Variants in SCGB2B2 observed in about 807,000 individuals in gnomAD.
SCGB2B2 encodes secretoglobin-like protein.
In SCGB2B2, 11 loss-of-function variants were observed where a neutral mutation model predicts 7.6. The observed-to-expected ratio is 1.45, with a 90% CI of 0.91 to 2.40. SCGB2B2 has a LOEUF of 2.40. Ranked by LOEUF, SCGB2B2 falls within the 30% of genes most tolerant of loss-of-function variation. The pLI, the probability that SCGB2B2 is intolerant of heterozygous loss-of-function variation, is 0.00. For missense variants in SCGB2B2, 104 were observed against 115.4 expected, an observed-to-expected ratio of 0.90 and a Z score of 0.45; for synonymous variants, 50 against 48.6, an observed-to-expected ratio of 1.03 and a Z score of -0.12.
At chr19:34,616,004 T>C (rs377029278) in intron 1 of SCGB2B2, among the ~76,000 whole-genome samples, 6 of 151,722 alleles carry the variant, frequency 4.0e-5, no homozygotes, top group Admixed American at 3.9e-4. Context: ...CATGTCCCTA[T>C]AAAGGACATG....
chr19:34,654,964 A>C (rs2067245307), intron 1 of SCGB2B2, among the ~76,000 whole-genome samples: 1 of 151,046 alleles, frequency 6.6e-6, no homozygotes, highest in Non-Finnish European at 1.5e-5. Context: ...CACTTACACC[A>C]CTCCAATCTT....
rs534453083 is a variant in SCGB2B2 at position 34,595,724 on chromosome 19, A to G, written c.-1161T>C. ...CACAAGCCCTTTTCCCAGCACCTAC[A>G]TATGAGGGAGCTGATGTCACTCACG... is the stretch of plus-strand genomic sequence containing the variant. On this transcript the variant is annotated 5_prime_UTR_variant, in exon 2 of 4. The change abolishes an upstream ATG in the 5' untranslated region. Transcript: ENST00000601241. The G allele has an allele frequency of 3.3e-5, 5 of 152,338 alleles. No homozygotes were observed. Among genetic ancestry groups the G allele is most frequent in the Non-Finnish European group, 5.9e-5 (4 of 68,052 alleles). 9.4% of individuals were successfully genotyped at this position (152,338 alleles called of 1,614,324 possible). A position where few individuals can be genotyped will look rare whatever the true frequency, so the allele number is the denominator to read the frequency against.
chr19:34,594,893 G>A lies in SCGB2B2; in HGVS notation c.-330C>T, dbSNP rs1363911520. On this transcript the variant is annotated 5_prime_UTR_variant, in exon 2 of 4. Coordinates refer to ENST00000601241, the MANE Select transcript of SCGB2B2 (RefSeq NM_001025591.4). The stretch of plus-strand genomic sequence containing the variant: ...CTGGTGTAAGCCTGCAAGTCTGAGT[G>A]TGCATGCACATGTGACCCTGTGTCT... The A allele has an allele frequency of 2.6e-6, 1 of 384,632 alleles. No homozygotes were observed. The highest frequency in any genetic ancestry group is 5.1e-5 in the East Asian group (1 of 19,642). 23.8% of individuals were successfully genotyped at this position (384,632 alleles called of 1,614,324 possible).
At chr19:34,612,455 T>C (rs2065959487) in intron 1 of SCGB2B2, among the ~76,000 whole-genome samples, 1 of 152,224 alleles carries the variant, frequency 6.6e-6, no homozygotes, top group South Asian at 2.1e-4. Flanking sequence ...AAATGGAATA[T>C]CTATCACCTG....
intron 1 of SCGB2B2, chr19:34,635,382 C>T: frequency 3.4e-6 from 1 of 292,914 alleles, no homozygotes; most frequent in Non-Finnish European, 7.1e-6. Flanking sequence ...GTTTTTATGC[C>T]TAACAAGGTG....
chr19:34,665,167 G>T (rs113270558), intron 1 of SCGB2B2, among the ~76,000 whole-genome samples: 39 of 152,248 alleles, frequency 2.6e-4, no homozygotes, highest in Middle Eastern at 3.4e-3. Flanking sequence ...CAGGCCTTGC[G>T]TCCCTCCTGT....
intron 1 of SCGB2B2, among the ~76,000 whole-genome samples, chr19:34,618,744 A>G (rs1269336164): frequency 6.6e-6 from 1 of 152,226 alleles, no homozygotes; most frequent in Non-Finnish European, 1.5e-5. Flanking sequence ...AGCACATGTT[A>G]TAATATTAAC....
chr19:34,614,877 A>ATGT (rs1172553310), intron 1 of SCGB2B2, among the ~76,000 whole-genome samples: 1 of 152,196 alleles, frequency 6.6e-6, no homozygotes, highest in African/African-American at 2.4e-5. Context: ...TCTGTGTTGA[A>ATGT]TGTTATCAAT....
At chr19:34,640,378 T>TGGGATTACA in intron 1 of SCGB2B2, 1 of 152,420 alleles carries the variant, frequency 6.6e-6, no homozygotes, top group African/African-American at 2.4e-5. Context: ...CCCAAAGTAC[T>TGGGATTACA]GGGATTACAG....
intron 1 of SCGB2B2, among the ~76,000 whole-genome samples, chr19:34,623,341 G>A (rs1356897681): frequency 2.6e-5 from 4 of 152,334 alleles, no homozygotes; most frequent in African/African-American, 9.6e-5. Context: ...CAGGCTTGAA[G>A]ATGGGTTGTT....
At chr19:34,619,207 A>G (rs111704274) in intron 1 of SCGB2B2, among the ~76,000 whole-genome samples, 1 of 152,180 alleles carries the variant, frequency 6.6e-6, no homozygotes, top group African/African-American at 2.4e-5. Context: ...CATAATACAC[A>G]GACAAAAACG....
At chr19:34,602,522 T>C (rs2065655449) in intron 1 of SCGB2B2, among the ~76,000 whole-genome samples, 9 of 152,156 alleles carry the variant, frequency 5.9e-5, no homozygotes, top group Admixed American at 5.2e-4. Flanking sequence ...CTTTTCTGGA[T>C]TGCATCATTC....
rs568048069 is a variant in SCGB2B2, at chr19:34,605,393, G to A, written c.-2031-8799C>T. 2.8e-4 allele frequency among the ~76,000 whole-genome samples: 42 copies of A among 152,240 alleles called. 1 individual carries two copies. Among genetic ancestry groups the A allele is most frequent in the Admixed American group, 2.0e-3 (31 of 15,288 alleles). On this transcript the variant is annotated intron_variant, in intron 1 of 3. Coordinates refer to ENST00000601241, the MANE Select transcript of SCGB2B2 (RefSeq NM_001025591.4). ...TAACTTCAGATACTCCTTGTGCTGTGCTTTTGTAGTCAGATGGTCTCCTTG... is the reference window on the plus strand; with the variant it reads ...TAACTTCAGATACTCCTTGTGCTGTACTTTTGTAGTCAGATGGTCTCCTTG...
At chr19:34,646,769 T>A (rs2067025587) in intron 1 of SCGB2B2, 1 of 152,852 alleles carries the variant, frequency 6.5e-6, no homozygotes, top group Non-Finnish European at 1.5e-5. Context: ...ACTCTATCCA[T>A]CAACAAACAA....
intron 1 of SCGB2B2, among the ~76,000 whole-genome samples, chr19:34,656,157 A>C (rs2067276619): frequency 6.6e-6 from 1 of 151,406 alleles, no homozygotes; most frequent in Non-Finnish European, 1.5e-5. Flanking sequence ...ATGCTGATTA[A>C]GGAGGATTTA....
chr19:34,628,585 A>G (rs1188374107), intron 1 of SCGB2B2, among the ~76,000 whole-genome samples: 1 of 151,970 alleles, frequency 6.6e-6, no homozygotes, highest in African/African-American at 2.4e-5. Flanking sequence ...TGAATCCCTG[A>G]ATAGACCAAT....
chr19:34,594,163 G>A lies in SCGB2B2; in HGVS notation c.246+12C>T, dbSNP rs375996275. The A allele has an allele frequency of 1.0e-4, 164 of 1,609,760 alleles. No individual in the cohort carries two copies. The African/African-American group carries it at 1.8e-3, about 18-fold the overall frequency. On this transcript the variant is annotated intron_variant, in intron 3 of 3. Transcript: ENST00000601241. ...CCATGTAGTGTGTGCAGGTCCCCCC[G>A]GGCACACTCACAATAACAACTGAAT...
downstream of SCGB2B2, among the ~76,000 whole-genome samples, chr19:34,586,457 G>T (rs114631501): frequency 6.1e-3 from 923 of 152,014 alleles, 13 homozygotes; most frequent in African/African-American, 0.021. Context: ...TCCTCTCTAG[G>T]CAACCGCTGA....
intron 1 of SCGB2B2, among the ~76,000 whole-genome samples, chr19:34,603,676 C>A (rs535999485): frequency 6.6e-6 from 1 of 152,138 alleles, no homozygotes; most frequent in Non-Finnish European, 1.5e-5. Flanking sequence ...AAGGACTATG[C>A]AGGATTTCTC....
Sources: allele counts gnomAD v4.1 joint callset (sites outside exome capture counted in the v4.1 genomes callset), GRCh38; gene constraint gnomAD v4.1.1; transcripts MANE v1.5; gene names NCBI Gene and HGNC (gene_info 2026-07-23, HGNC 2026-07-21).